PTPRG: variants seen among roughly 807,000 people sequenced by gnomAD.
PTPRG encodes the protein protein tyrosine phosphatase receptor type G, also known as receptor-type tyrosine-protein phosphatase gamma.
PTPRG carries 102 observed loss-of-function variants against 165.3 expected under a neutral mutation model. The ratio of observed to expected loss-of-function variants is 0.62; its 90% CI spans 0.53 to 0.73. The LOEUF is 0.73. Among genes scored for constraint, PTPRG ranks in the 30% least tolerant of loss-of-function variants. The probability of loss-of-function intolerance (pLI) is 0.00; values close to 1 mark genes in which losing one functional copy is unlikely to be tolerated. For missense variants in PTPRG, 1,866 were observed against 1,861.4 expected (o/e 1.00, Z -0.05); for synonymous variants, 675 against 669.5 (o/e 1.01, Z -0.13).
intron 4 of PTPRG, among the ~76,000 whole-genome samples, chr3:62,075,561 C>G (rs778010876): frequency 1.3e-5 from 2 of 152,160 alleles, no homozygotes; most frequent in Admixed American, 6.5e-5. Context: ...GAAAACTCTC[C>G]AAAAGAAAAC....
In PTPRG at chr3:62,237,520, T is replaced by C. The variant is rs1259165866; in HGVS notation, c.2375+6209T>C. ...GACGTTGACAGCTGATACTGGCCGA[T>C]GTGTTTCACATCCTGACTAAAAGAT... On this transcript the variant is annotated intron_variant, in intron 14 of 29. Transcript: ENST00000474889. The surrounding 1 kb of genome is among the most constrained non-coding windows in gnomAD (Gnocchi z 4.5). 6.6e-6 allele frequency among the ~76,000 whole-genome samples: 1 copy of C among 152,230 alleles called. No homozygotes were observed. Among genetic ancestry groups the C allele is most frequent in the Non-Finnish European group, 1.5e-5 (1 of 68,040 alleles).
rs182750981 is a variant in PTPRG at position 61,680,264 on chromosome 3, G to A, written c.86-68614G>A. Among the ~76,000 whole-genome samples, 19 of 152,080 alleles carry A rather than the reference G, an allele frequency of 1.2e-4. No individual in the cohort carries two copies. The East Asian group carries it at 2.7e-3, about 22-fold the overall frequency. On this transcript the variant is annotated intron_variant, in intron 1 of 29. Transcript: ENST00000474889. ...TGTCCAGACAGTTAATTGTGAAGTC[G>A]CCTTCAGATGGCTGGCGGTAAGGAA...
At chr3:61,565,982 A>G (rs1271452592) in intron 1 of PTPRG, among the ~76,000 whole-genome samples, 1 of 152,106 alleles carries the variant, frequency 6.6e-6, no homozygotes, top group Non-Finnish European at 1.5e-5. Context: ...GAAAATGAAG[A>G]ATCTTTACCC....
At chr3:61,631,973 G>C (rs10510865) in intron 1 of PTPRG, among the ~76,000 whole-genome samples, 4,388 of 152,200 alleles carry the variant, frequency 0.029, 89 homozygotes, top group East Asian at 0.064. Flanking sequence ...GCCACATATA[G>C]GGAGTGATCA....
chr3:61,865,760 TC>T (rs778982664), intron 2 of PTPRG, among the ~76,000 whole-genome samples: 14 of 152,174 alleles, frequency 9.2e-5, no homozygotes, highest in Non-Finnish European at 1.3e-4. Flanking sequence ...AGCCCACTGC[TC>T]TAGAAAATGT....
At chr3:62,160,616 T>C (rs80274076) in intron 7 of PTPRG, among the ~76,000 whole-genome samples, 2 of 152,248 alleles carry the variant, frequency 1.3e-5, no homozygotes, top group Admixed American at 6.5e-5. Flanking sequence ...AGAAGATGAT[T>C]AGCTTTCAGT....
At chr3:62,236,757 A>G (rs1052808326) in intron 14 of PTPRG, among the ~76,000 whole-genome samples, 16 of 152,264 alleles carry the variant, frequency 1.1e-4, no homozygotes, top group Non-Finnish European at 2.2e-4. Context: ...GGGTTTTCAT[A>G]TGAGTCTGGA....
intron 1 of PTPRG, among the ~76,000 whole-genome samples, chr3:61,606,586 A>C (rs1486928119): frequency 1.3e-5 from 2 of 152,214 alleles, no homozygotes; most frequent in Admixed American, 6.5e-5. Flanking sequence ...AAATATCTGC[A>C]ACCAGGTAAC....
At chr3:62,176,554 A>G (rs941579477) in intron 8 of PTPRG, among the ~76,000 whole-genome samples, 1 of 152,152 alleles carries the variant, frequency 6.6e-6, no homozygotes. Context: ...TTTAAAAGGA[A>G]ACATACTTGT....
At chr3:61,657,641 T>C (rs964221878) in intron 1 of PTPRG, among the ~76,000 whole-genome samples, 2 of 152,174 alleles carry the variant, frequency 1.3e-5, no homozygotes, top group African/African-American at 4.8e-5. Context: ...TTGGGATTCA[T>C]TGTGCCCTAG....
At chr3:62,282,991 C>A (rs1702511535) in intron 28 of PTPRG, 122 bp downstream of exon 28, 2 of 850,226 alleles carry the variant, frequency 2.4e-6, no homozygotes, top group Admixed American at 2.9e-5. Context: ...TGTGACAACT[C>A]CATGTTATTT....
At chr3:62,258,811 A>AATGAGCTAAGG (rs1701610739) in intron 16 of PTPRG, among the ~76,000 whole-genome samples, 2 of 152,186 alleles carry the variant, frequency 1.3e-5, no homozygotes, top group African/African-American at 4.8e-5. Flanking sequence ...AGCTAACTTC[A>AATGAGCTAAGG]ACCTCATTGT....
rs1408416089 is a variant in PTPRG at position 61,663,814 on chromosome 3, G to T, written c.86-85064G>T. ...TCCCTCACGTGCACAGCCCATAATAGAATTTTTGCTCCTATGAGAATCTAA... is the reference window on the plus strand; with the variant it reads ...TCCCTCACGTGCACAGCCCATAATATAATTTTTGCTCCTATGAGAATCTAA... On this transcript the variant is annotated intron_variant, in intron 1 of 29. Coordinates refer to ENST00000474889, the MANE Select transcript of PTPRG (RefSeq NM_002841.4). 3.3e-5 allele frequency among the ~76,000 whole-genome samples: 5 copies of T among 152,036 alleles called. No individual in the cohort carries two copies. The South Asian group carries it at 8.3e-4, about 25-fold the overall frequency.
chr3:61,682,391 A>G (rs1464627859), intron 1 of PTPRG, among the ~76,000 whole-genome samples: 1 of 152,204 alleles, frequency 6.6e-6, no homozygotes, highest in African/African-American at 2.4e-5. Flanking sequence ...AAATATGTGC[A>G]TAGAGACTTA....
At chr3:61,813,725 AT>A (rs2035666893) in intron 2 of PTPRG, among the ~76,000 whole-genome samples, 1 of 151,858 alleles carries the variant, frequency 6.6e-6, no homozygotes, top group African/African-American at 2.4e-5. Context: ...ATCTTGTTTG[AT>A]TTATTCTAAC....
chr3:62,283,837 A>C (rs1055814795), intron 28 of PTPRG, among the ~76,000 whole-genome samples: 2 of 152,130 alleles, frequency 1.3e-5, no homozygotes, highest in Non-Finnish European at 2.9e-5. Context: ...AGCTGCTTCC[A>C]AAAAATTTTA....
chr3:61,858,121 C>A (rs1042550518), intron 2 of PTPRG, among the ~76,000 whole-genome samples: 2 of 152,070 alleles, frequency 1.3e-5, no homozygotes, highest in Non-Finnish European at 2.9e-5. Flanking sequence ...GTATTGTGGG[C>A]GTTGGAATAG....
At chr3:62,055,556 C>G (rs1700604607) in intron 4 of PTPRG, among the ~76,000 whole-genome samples, 1 of 152,178 alleles carries the variant, frequency 6.6e-6, no homozygotes, top group African/African-American at 2.4e-5. Context: ...GTTGCCTTGA[C>G]AAATTATCAC....
chr3:61,951,965 A>G (rs575427760), intron 2 of PTPRG, among the ~76,000 whole-genome samples: 3 of 151,980 alleles, frequency 2.0e-5, no homozygotes, highest in Non-Finnish European at 4.4e-5. Flanking sequence ...TAAAAATACA[A>G]AAATTAGCTG....
Sources: allele counts gnomAD v4.1 joint callset (sites outside exome capture counted in the v4.1 genomes callset), GRCh38; gene constraint gnomAD v4.1.1; non-coding constraint Gnocchi (gnomAD v3.1); transcripts MANE v1.5; gene names NCBI Gene and HGNC (gene_info 2026-07-23, HGNC 2026-07-21).